Variants in CACNA2D2 observed in about 807,000 individuals in gnomAD.
CACNA2D2 encodes the protein calcium voltage-gated channel auxiliary subunit alpha2delta 2.
CACNA2D2 carries 48 observed loss-of-function variants against 166.4 expected under a neutral mutation model. The observed-to-expected ratio is 0.29, with a 90% CI of 0.23 to 0.37. CACNA2D2 has a LOEUF of 0.37. Among genes scored for constraint, CACNA2D2 ranks in the 10% least tolerant of loss-of-function variants. CACNA2D2 has a pLI of 1.00. For missense variants in CACNA2D2, 1,122 were observed against 1,433.0 expected (o/e 0.78, Z 3.50); for synonymous variants, 561 against 573.7 (o/e 0.98, Z 0.32).
chr3:50,455,082 C>T (rs1296137487), intron 2 of CACNA2D2, among the ~76,000 whole-genome samples: 2 of 152,250 alleles, frequency 1.3e-5, no homozygotes, highest in Middle Eastern at 3.2e-3. Context: ...CACTCCAAAA[C>T]AGGCCCTCTC....
intron 2 of CACNA2D2, among the ~76,000 whole-genome samples, chr3:50,453,023 C>A (rs1709177158): frequency 6.6e-6 from 1 of 152,196 alleles, no homozygotes; most frequent in Non-Finnish European, 1.5e-5. Context: ...TTAAGAGTCT[C>A]AGAGTCTTTT....
At chr3:50,452,237 A>G (rs1189685145) in intron 2 of CACNA2D2, among the ~76,000 whole-genome samples, 1 of 152,176 alleles carries the variant, frequency 6.6e-6, no homozygotes, top group Admixed American at 6.5e-5. Context: ...CAGGCTTGAG[A>G]ATGCCTCACA....
rs764693064 is a variant in CACNA2D2, at chr3:50,366,388, C to A, written c.2638-50G>T. 12 of 1,585,166 alleles carry A rather than the reference C, an allele frequency of 7.6e-6. No individual in the cohort carries two copies. In the African/African-American group the frequency reaches 1.2e-4, roughly 16 times the overall value. On this transcript the variant is annotated intron_variant, in intron 30 of 37. Transcript: ENST00000424201. The surrounding 1 kb of genome is among the most constrained non-coding windows in gnomAD (Gnocchi z 5.9). ...AAATGGAGAGGGGCTGGGCCCCGGA[C>A]CTTCCACCGCAGGCAGTCCAGTGGT...
chr3:50,432,018 A>G (rs1185890601), intron 3 of CACNA2D2, among the ~76,000 whole-genome samples: 2 of 151,524 alleles, frequency 1.3e-5, no homozygotes, highest in Admixed American at 6.6e-5. Context: ...AGAAAAGAAA[A>G]TAATTTCTGT....
rs587595434 is a variant in CACNA2D2, at chr3:50,363,581, T to C, written c.*1085A>G. The C allele has an allele frequency of 5.2e-4, 150 of 290,046 alleles. No individual in the cohort carries two copies. The highest frequency in any genetic ancestry group is 6.8e-4 in the Non-Finnish European group (108 of 159,066). The allele number at this position is 290,046 out of a possible 1,614,324, so 18.0% of individuals were successfully genotyped here. ...GATAGGGAGTGGGCACAGGCCTGAG[T>C]GTGTAAGGGCCAGATTGGCGGAAGG... On this transcript the variant is annotated 3_prime_UTR_variant, in exon 38 of 38. Coordinates refer to ENST00000424201, the MANE Select transcript of CACNA2D2 (RefSeq NM_006030.4).
Position 50,379,647 on chromosome 3 carries a change from G to GC in CACNA2D2, c.994-58dup, listed in dbSNP as rs1705195488. On this transcript the variant is annotated intron_variant, in intron 10 of 37. Transcript: ENST00000424201. The surrounding 1 kb of genome is among the most constrained non-coding windows in gnomAD (Gnocchi z 6.5). ...AGGCTGGCCGGGGTAGGCAGCTATTGCATGGGGCTGGTGATGGTCACAGGA... is the reference window on the plus strand; with the variant it reads ...AGGCTGGCCGGGGTAGGCAGCTATTGCCATGGGGCTGGTGATGGTCACAGGA... The GC allele has an allele frequency of 3.1e-6, 5 of 1,611,900 alleles. No individual in the cohort carries two copies. The highest frequency in any genetic ancestry group is 4.2e-6 in the Non-Finnish European group (5 of 1,178,604).
chr3:50,398,813 CAG>C (rs1300838587), intron 3 of CACNA2D2, among the ~76,000 whole-genome samples: 7 of 152,212 alleles, frequency 4.6e-5, no homozygotes, highest in Non-Finnish European at 8.8e-5. Flanking sequence ...AGGCAATTAT[CAG>C]AGAGTTTCAC....
chr3:50,492,933 T>G (rs1279797361), intron 1 of CACNA2D2, among the ~76,000 whole-genome samples: 2 of 152,224 alleles, frequency 1.3e-5, no homozygotes, highest in South Asian at 2.1e-4. Context: ...TGTGTGATTT[T>G]ATCATTTAGC....
chr3:50,417,646 C>T (rs1575656048), intron 3 of CACNA2D2, among the ~76,000 whole-genome samples: 1 of 152,328 alleles, frequency 6.6e-6, no homozygotes, highest in East Asian at 1.9e-4. Flanking sequence ...CCTCCTCCTC[C>T]TCCTCCTCAC....
chr3:50,443,959 A>T (rs1412241111), intron 2 of CACNA2D2, among the ~76,000 whole-genome samples: 1 of 152,198 alleles, frequency 6.6e-6, no homozygotes, highest in Non-Finnish European at 1.5e-5. Flanking sequence ...GTGAGATGAA[A>T]CAGTCATTGT....
At chr3:50,437,986 G>T (rs554737372) in intron 2 of CACNA2D2, among the ~76,000 whole-genome samples, 1 of 152,336 alleles carries the variant, frequency 6.6e-6, no homozygotes, top group African/African-American at 2.4e-5. Context: ...GGAGCACGAC[G>T]GGGCCCAGCT....
chr3:50,414,232 C>A (rs1265124279), intron 3 of CACNA2D2, among the ~76,000 whole-genome samples: 3 of 151,976 alleles, frequency 2.0e-5, no homozygotes, highest in Non-Finnish European at 2.9e-5. Context: ...CACACAGAGC[C>A]CAAGGTTAGA....
intron 3 of CACNA2D2, among the ~76,000 whole-genome samples, chr3:50,429,885 T>C (rs1177717838): frequency 1.3e-5 from 2 of 150,804 alleles, no homozygotes; most frequent in African/African-American, 4.9e-5. Flanking sequence ...TCTGATGCGC[T>C]TGATCTGAAG....
In CACNA2D2 at chr3:50,427,416, G is replaced by A. The variant is rs41308267; in HGVS notation, c.405+6897C>T. 6.6e-6 allele frequency among the ~76,000 whole-genome samples: 1 copy of A among 152,372 alleles called. No homozygotes were observed. The highest frequency in any genetic ancestry group is 1.5e-5 in the Non-Finnish European group (1 of 68,048). On this transcript the variant is annotated intron_variant, in intron 3 of 37. Coordinates refer to ENST00000424201, the MANE Select transcript of CACNA2D2 (RefSeq NM_006030.4). This position sits in a 1 kb window ranked among gnomAD's most constrained non-coding sequence, Gnocchi z 4.7. ...AGCAGCGGCACTGTTTGGGTGAGGG[G>A]AGAATAATCAGCTGTAAACGCCGCA...
chr3:50,383,134 G>A (rs911273048), intron 6 of CACNA2D2, among the ~76,000 whole-genome samples: 3 of 152,222 alleles, frequency 2.0e-5, no homozygotes, highest in African/African-American at 7.2e-5. Flanking sequence ...TGGAGAGGGC[G>A]GTGTGGCTCC....
chr3:50,500,168 G>A (rs1422868453), intron 1 of CACNA2D2, among the ~76,000 whole-genome samples: 1 of 152,226 alleles, frequency 6.6e-6, no homozygotes, highest in Non-Finnish European at 1.5e-5. Context: ...TGCTCCCCAT[G>A]TGTCCACTCA....
intron 22 of CACNA2D2, 152 bp downstream of exon 22, chr3:50,374,585 G>C: frequency 1.4e-6 from 1 of 716,276 alleles, no homozygotes. Context: ...ACAGACTTTC[G>C]AGGTGCCCCA....
At chr3:50,402,125 A>G (rs547161043) in intron 3 of CACNA2D2, among the ~76,000 whole-genome samples, 28 of 152,198 alleles carry the variant, frequency 1.8e-4, no homozygotes, top group Non-Finnish European at 2.9e-4. Flanking sequence ...ACTGGCTTTC[A>G]TTGCTTTTTT....
chr3:50,446,783 C>A (rs907783378), intron 2 of CACNA2D2, among the ~76,000 whole-genome samples: 2 of 152,244 alleles, frequency 1.3e-5, no homozygotes, highest in Non-Finnish European at 2.9e-5. Flanking sequence ...TTCGCCCAAC[C>A]TGTGCCCAGA....
Sources: allele counts gnomAD v4.1 joint callset (sites outside exome capture counted in the v4.1 genomes callset), GRCh38; gene constraint gnomAD v4.1.1; non-coding constraint Gnocchi (gnomAD v3.1); transcripts MANE v1.5; gene names NCBI Gene and HGNC (gene_info 2026-07-23, HGNC 2026-07-21).